The following C4orf50 variants were observed in gnomAD, a reference collection of about 807,000 sequenced individuals.
C4orf50 encodes uncharacterized protein C4orf50.
In C4orf50, 80 loss-of-function variants were observed where a neutral mutation model predicts 77.2. That is an observed-to-expected ratio of 1.04 (90% CI 0.87 to 1.25). The LOEUF is 1.25. Ranked by LOEUF, C4orf50 falls within the 50% of genes most tolerant of loss-of-function variation. The pLI, the probability that C4orf50 is intolerant of heterozygous loss-of-function variation, is 0.00. For missense variants in C4orf50, 1,257 were observed against 1,152.9 expected (o/e 1.09, Z -1.31); for synonymous variants, 532 against 465.3 (o/e 1.14, Z -1.84).
intron 31 of C4orf50, among the ~76,000 whole-genome samples, chr4:5,971,646 G>A (rs934577698): frequency 6.6e-6 from 1 of 152,188 alleles, no homozygotes; most frequent in African/African-American, 2.4e-5. Flanking sequence ...GACAGATGAA[G>A]AAATGACTGA....
At chr4:5,957,740 T>C (rs1719048787) in exon 34 of C4orf50, 4 of 152,192 alleles carry the variant, frequency 2.6e-5, no homozygotes, top group Admixed American at 2.6e-4. Flanking sequence ...CATGGATGAA[T>C]GTGCTAACCC....
chr4:6,004,752 G>A (rs1424824916), intron 25 of C4orf50, among the ~76,000 whole-genome samples: 1 of 150,504 alleles, frequency 6.6e-6, no homozygotes. Flanking sequence ...GGTGATGATG[G>A]TGATGGTGAT....
chr4:5,920,498 A>G (rs1717215823), intron 7 of C4orf50, among the ~76,000 whole-genome samples: 1 of 134,424 alleles, frequency 7.4e-6, no homozygotes, highest in South Asian at 2.4e-4. Context: ...TTTTTTTGAG[A>G]TGGAGTCTCA....
rs534476233 is a variant in C4orf50 at position 6,015,855 on chromosome 4, T to C, written c.287+2290A>G. On this transcript the variant is annotated intron_variant, in intron 23 of 33. Coordinates refer to ENST00000531445, the Ensembl canonical transcript of C4orf50. This position sits in a 1 kb window ranked among gnomAD's most constrained non-coding sequence, Gnocchi z 4.4. ...TGCCATCCCTAGACTCAACCCTCTCTGTCTCCCTCTCGCAAGGATACTTGT... is the reference window on the plus strand; with the variant it reads ...TGCCATCCCTAGACTCAACCCTCTCCGTCTCCCTCTCGCAAGGATACTTGT... Among the ~76,000 whole-genome samples the C allele has an allele frequency of 3.3e-5, 5 of 152,298 alleles. No individual in the cohort carries two copies. Among genetic ancestry groups the C allele is most frequent in the African/African-American group, 1.2e-4 (5 of 41,556 alleles).
intron 26 of C4orf50, among the ~76,000 whole-genome samples, chr4:5,993,281 A>G (rs1429113280): frequency 6.6e-6 from 1 of 152,234 alleles, no homozygotes; most frequent in Non-Finnish European, 1.5e-5. Flanking sequence ...CACAGCTGGC[A>G]TGAGGACACA....
chr4:5,967,593 C>T (rs1040462547), intron 31 of C4orf50, 131 bp from the exon 10 acceptor site: 8 of 747,236 alleles, frequency 1.1e-5, no homozygotes, highest in South Asian at 1.5e-5. Flanking sequence ...GTAGGACCAA[C>T]CCTGCCTGTG....
At chr4:5,993,564 C>T (rs1721410569) in intron 26 of C4orf50, among the ~76,000 whole-genome samples, 1 of 152,178 alleles carries the variant, frequency 6.6e-6, no homozygotes, top group African/African-American at 2.4e-5. Flanking sequence ...TGCCTGTAAT[C>T]CCAGCACTCT....
rs1457831495 is a variant in C4orf50, at chr4:5,908,779, G to C, written c.*2475-10591C>G. ...GCAGCCTTCAGTGGGGATGCACAGG[G>C]GATGTGGGAAGGTCATACTTGGGGA... On this transcript the variant is annotated intron_variant, in intron 7 of 7. Transcript: ENST00000324058. The surrounding 1 kb of genome is among the most constrained non-coding windows in gnomAD (Gnocchi z 5.6). Among the ~76,000 whole-genome samples, 2 of 152,152 alleles carry C rather than the reference G, an allele frequency of 1.3e-5. No homozygotes were observed. Among genetic ancestry groups the C allele is most frequent in the Non-Finnish European group, 2.9e-5 (2 of 68,024 alleles).
chr4:5,975,158 A>AC (rs1720189949), intron 30 of C4orf50, among the ~76,000 whole-genome samples: 2 of 79,636 alleles, frequency 2.5e-5, no homozygotes, highest in African/African-American at 1.0e-4. Flanking sequence ...AAAAAAAAAA[A>AC]AAAAAAAAAA....
At chr4:5,899,604 T>C (rs1254131313) in intron 7 of C4orf50, 1 of 152,214 alleles carries the variant, frequency 6.6e-6, no homozygotes, top group Non-Finnish European at 1.5e-5. Flanking sequence ...CACATTTCTT[T>C]CCTAGCTAGG....
chr4:5,980,118 G>A (rs1377783350), intron 29 of C4orf50, 56 bp downstream of exon 7: 11 of 1,469,362 alleles, frequency 7.5e-6, no homozygotes, highest in African/African-American at 1.4e-5. Context: ...CTCCCAAAAC[G>A]CCCCGGGGTG....
In C4orf50 at chr4:5,974,913, G is replaced by T. The variant is rs184715484; in HGVS notation, c.3921+986C>A. ...CAGCACTTTGGGAGGCCAAGAGGGG[G>T]TGGATCACCTGAGGTCAGGAGTTCG... is the stretch of plus-strand genomic sequence containing the variant. On this transcript the variant is annotated intron_variant, in intron 30 of 33. Coordinates refer to ENST00000531445, the Ensembl canonical transcript of C4orf50. Among the ~76,000 whole-genome samples, 846 of 151,998 alleles carry T rather than the reference G, an allele frequency of 5.6e-3. 2 individuals carry two copies. Among genetic ancestry groups the T allele is most frequent in the Middle Eastern group, 0.017 (5 of 294 alleles).
In C4orf50 at chr4:5,988,978, GT is replaced by G; in HGVS notation, c.3067del (p.Thr1023HisfsTer2). ...GAGTTGGCCCAGATTCCCTTTCAGTGTTTCATTTTCCTCTTCAAGCTCCAAA... is the reference window on the plus strand; with the variant it reads ...GAGTTGGCCCAGATTCCCTTTCAGTGTTCATTTTCCTCTTCAAGCTCCAAA... On this transcript the variant is annotated frameshift_variant, in exon 28 of 34. Coordinates refer to ENST00000531445, the Ensembl canonical transcript of C4orf50. LOFTEE classifies it high-confidence loss of function. 2 of 1,536,026 alleles carry G rather than the reference GT, an allele frequency of 1.3e-6. No homozygotes were observed. The highest frequency in any genetic ancestry group is 1.7e-6 in the Non-Finnish European group (2 of 1,146,892).
At chr4:5,975,317 C>T (rs1720206684) in intron 30 of C4orf50, among the ~76,000 whole-genome samples, 1 of 152,070 alleles carries the variant, frequency 6.6e-6, no homozygotes, top group Non-Finnish European at 1.5e-5. Context: ...AAAAGTGCAG[C>T]CTCAAAGGCT....
intron 7 of C4orf50, among the ~76,000 whole-genome samples, chr4:5,924,514 T>C (rs578242590): frequency 5.3e-4 from 80 of 152,254 alleles, no homozygotes; most frequent in African/African-American, 1.9e-3. Context: ...TGTTGGAGGC[T>C]GAGCAAGGGT....
chr4:5,980,182 G>A lies in C4orf50; in HGVS notation c.3856C>T (p.Gln1286Ter). 6.3e-7 allele frequency: 1 copy of A among 1,597,668 alleles called. No homozygotes were observed. Among genetic ancestry groups the A allele is most frequent in the Non-Finnish European group, 8.5e-7 (1 of 1,172,440 alleles). Residue 1286 changes from glutamine (Q) to a stop codon, truncating the protein, a stop_gained, in exon 29 of 34, where the codon CAG becomes TAG. Coordinates refer to ENST00000531445, the Ensembl canonical transcript of C4orf50. LOFTEE classifies it high-confidence loss of function. ...GAAAGCACTTCCCACACCTTGGCCT[G>A]GAGCTCCTCCTGGAGGCGGGTGGCC... is the stretch of plus-strand genomic sequence containing the variant.
Position 6,000,183 on chromosome 4 carries a change from G to A in C4orf50, c.964-5707C>T, listed in dbSNP as rs1310841045. 1.3e-5 allele frequency among the ~76,000 whole-genome samples: 2 copies of A among 152,146 alleles called. No homozygotes were observed. Among genetic ancestry groups the A allele is most frequent in the African/African-American group, 2.4e-5 (1 of 41,434 alleles). On this transcript the variant is annotated intron_variant, in intron 25 of 33. Coordinates refer to ENST00000531445, the Ensembl canonical transcript of C4orf50. The surrounding 1 kb of genome is among the most constrained non-coding windows in gnomAD (Gnocchi z 6.0). Reference sequence around the variant, plus strand: ...CCAGTCCTTTGAAGATGCACTGGCAGCCTTGGGCAGTCACACAGCATGCGA... The same window carrying A: ...CCAGTCCTTTGAAGATGCACTGGCAACCTTGGGCAGTCACACAGCATGCGA...
At chr4:5,926,934 T>C (rs540011947) in intron 7 of C4orf50, among the ~76,000 whole-genome samples, 1 of 152,202 alleles carries the variant, frequency 6.6e-6, no homozygotes, top group Non-Finnish European at 1.5e-5. Context: ...CGTGTGCCCA[T>C]GTTTCTGGTG....
intron 7 of C4orf50, chr4:5,904,679 GT>G (rs1325289584): frequency 6.6e-6 from 1 of 152,160 alleles, no homozygotes; most frequent in South Asian, 2.1e-4. Flanking sequence ...TAGGGTGCTT[GT>G]CTACCAATCT....
Sources: gnomAD v4.1 joint callset for allele counts (sites outside exome capture counted in the v4.1 genomes callset) on GRCh38, gnomAD v4.1.1 for gene constraint, Gnocchi (gnomAD v3.1) non-coding constraint, MANE v1.5 for transcripts, NCBI Gene and HGNC (gene_info 2026-07-23, HGNC 2026-07-21) for gene names.